DAB1: variants seen among roughly 807,000 people sequenced by gnomAD.
The protein encoded by DAB1 is DAB adaptor protein 1.
Under a neutral mutation model 64.6 loss-of-function variants are expected in DAB1, and 15 were observed. The ratio of observed to expected loss-of-function variants is 0.23; its 90% CI spans 0.16 to 0.36. DAB1 has a LOEUF of 0.36. Ranked by LOEUF, DAB1 falls within the 10% of genes least tolerant of loss-of-function variation. The pLI, the probability that DAB1 is intolerant of heterozygous loss-of-function variation, is 1.00. For missense variants in DAB1, 596 were observed against 706.7 expected, an observed-to-expected ratio of 0.84 and a Z score of 1.78; for synonymous variants, 235 against 251.9, an observed-to-expected ratio of 0.93 and a Z score of 0.64.
intron 5 of DAB1, among the ~76,000 whole-genome samples, chr1:58,001,624 G>C (rs1047837452): frequency 1.1e-4 from 16 of 152,196 alleles, no homozygotes; most frequent in Admixed American, 5.9e-4. Context: ...GTAAGCTTTA[G>C]GAAAGGTCTC....
At chr1:57,606,714 A>G (rs1029708155) in intron 7 of DAB1, among the ~76,000 whole-genome samples, 22 of 134,436 alleles carry the variant, frequency 1.6e-4, no homozygotes, top group Non-Finnish European at 2.8e-4. Context: ...ATATATATGT[A>G]TGAAATATAT....
chr1:57,139,239 G>A (rs951191189), intron 3 of DAB1, among the ~76,000 whole-genome samples: 16 of 152,110 alleles, frequency 1.1e-4, no homozygotes, highest in Admixed American at 7.2e-4. Flanking sequence ...GGGGATTAGC[G>A]TTCTTATAAA....
chr1:57,386,747 TGTG>T (rs1681900582), intron 1 of DAB1: 1 of 149,166 alleles, frequency 6.7e-6, no homozygotes, highest in Non-Finnish European at 1.5e-5. Context: ...TGCGTGTGTG[TGTG>T]TGTGTGTGTG....
chr1:58,104,929 A>T (rs1352182745), intron 5 of DAB1, among the ~76,000 whole-genome samples: 1 of 152,228 alleles, frequency 6.6e-6, no homozygotes, highest in African/African-American at 2.4e-5. Context: ...TGGACTTTCA[A>T]AAAGGGAATG....
intron 2 of DAB1, among the ~76,000 whole-genome samples, chr1:57,194,284 G>T (rs1664430960): frequency 6.6e-6 from 1 of 152,108 alleles, no homozygotes; most frequent in African/African-American, 2.4e-5. Context: ...CTCAGAGCTG[G>T]CCACGCACCT....
chr1:58,538,787 C>A, intron 1 of DAB1: 1 of 750,186 alleles, frequency 1.3e-6, no homozygotes, highest in South Asian at 1.9e-5. Context: ...TCTAAAAAAG[C>A]ATTTTACCTG....
rs77934665 is a variant in DAB1, at chr1:57,640,993, T to C, written n.625+8599A>G. On this transcript the variant is annotated intron_variant and non_coding_transcript_variant, in intron 7 of 20. Coordinates refer to the DAB1 transcript ENST00000485760. ...TTTGGAAGAATCATCTTGCAGCAAA[T>C]TGGACACTCCCACAATGTTTGGTGT... is the stretch of plus-strand genomic sequence containing the variant. Among the ~76,000 whole-genome samples, 246 of 152,322 alleles carry C rather than the reference T, an allele frequency of 1.6e-3. 2 individuals are homozygous for C. In the East Asian group the frequency reaches 0.018, roughly 11 times the overall value.
chr1:57,391,613 AT>A (rs1490980181), intron 1 of DAB1, among the ~76,000 whole-genome samples: 1 of 152,176 alleles, frequency 6.6e-6, no homozygotes, highest in African/African-American at 2.4e-5. Context: ...ATGCAGATAT[AT>A]TCTGGAAAAC....
At chr1:57,825,129 AT>A (rs150231469), downstream of DAB1, among the ~76,000 whole-genome samples, 70 of 152,294 alleles carry the variant, frequency 4.6e-4, no homozygotes, top group Non-Finnish European at 9.0e-4. Flanking sequence ...GATCTTTACA[AT>A]TTTATGCTAA....
rs186720166 is a variant in DAB1, at chr1:57,194,970, G to A, written c.68-49541C>T. Among the ~76,000 whole-genome samples, 8 of 152,338 alleles carry A rather than the reference G, an allele frequency of 5.3e-5. No individual in the cohort carries two copies. In the East Asian group the frequency reaches 1.5e-3, roughly 29 times the overall value. ...ATGCCCATTTTATATATGCTAACTA[G>A]TAACAGCGGAAAGTGTAATAACTTT... On this transcript the variant is annotated intron_variant, in intron 2 of 14. Coordinates refer to ENST00000371236, the MANE Select transcript of DAB1 (RefSeq NM_001365792.1).
chr1:57,704,311 A>T (rs527951589), intron 6 of DAB1, among the ~76,000 whole-genome samples: 9 of 152,024 alleles, frequency 5.9e-5, no homozygotes, highest in Non-Finnish European at 1.2e-4. Context: ...AGGGCTAGGC[A>T]CTCTCCAGTT....
At chr1:57,610,761 A>G (rs1472634111) in intron 7 of DAB1, among the ~76,000 whole-genome samples, 1 of 152,176 alleles carries the variant, frequency 6.6e-6, no homozygotes, top group Admixed American at 6.5e-5. Context: ...CACTATCATG[A>G]GAAGAGCATG....
chr1:57,484,443 G>C lies in DAB1; in HGVS notation n.625+165149C>G, dbSNP rs946837962. Among the ~76,000 whole-genome samples, 3 of 152,114 alleles carry C rather than the reference G, an allele frequency of 2.0e-5. No homozygotes were observed. In the East Asian group the frequency reaches 5.8e-4, roughly 29 times the overall value. On this transcript the variant is annotated intron_variant and non_coding_transcript_variant, in intron 7 of 20. Transcript: ENST00000485760. Reference sequence around the variant, plus strand: ...TATGAGCTGATGCAACTGAACAAATGGTCCTTTCCAAGCAAGCAAAGGCAT... The same window carrying C: ...TATGAGCTGATGCAACTGAACAAATCGTCCTTTCCAAGCAAGCAAAGGCAT...
chr1:57,566,066 A>G lies in DAB1; in HGVS notation n.625+83526T>C, dbSNP rs370611066. 9.2e-5 allele frequency among the ~76,000 whole-genome samples: 14 copies of G among 152,368 alleles called. No individual in the cohort carries two copies. The South Asian group carries it at 1.7e-3, about 18-fold the overall frequency. ...GCAAATTAAAAGAACAGAAATTGTA[A>G]CAAATTGTCTCTCAGACCACACTGC... On this transcript the variant is annotated intron_variant and non_coding_transcript_variant, in intron 7 of 20. Coordinates refer to the DAB1 transcript ENST00000485760.
At chr1:58,317,613 CGAAG>C (rs1662587876) in intron 4 of DAB1, among the ~76,000 whole-genome samples, 1 of 152,162 alleles carries the variant, frequency 6.6e-6, no homozygotes, top group African/African-American at 2.4e-5. Flanking sequence ...AGATGCAACC[CGAAG>C]GAACTGGATT....
At chr1:57,273,553 G>GCCTTCCTTCCTTCCTT in intron 2 of DAB1, among the ~76,000 whole-genome samples, 1 of 62,088 alleles carries the variant, frequency 1.6e-5, no homozygotes, top group East Asian at 3.9e-4. Flanking sequence ...CTGCCTGCCT[G>GCCTTCCTTCCTTCCTT]CCTTCCTTCC....
At chr1:57,820,750 C>T (rs1356789351) in intron 6 of DAB1, among the ~76,000 whole-genome samples, 1 of 152,106 alleles carries the variant, frequency 6.6e-6, no homozygotes, top group Non-Finnish European at 1.5e-5. Context: ...TTTTGTTTCA[C>T]AAGGAATTAC....
At chr1:57,717,223 C>A (rs543478391) in intron 6 of DAB1, among the ~76,000 whole-genome samples, 2 of 149,168 alleles carry the variant, frequency 1.3e-5, no homozygotes, top group Non-Finnish European at 1.5e-5. Context: ...GGCGACAGAG[C>A]GAGACTGTCT....
intron 1 of DAB1, among the ~76,000 whole-genome samples, chr1:57,347,867 A>G (rs377421054): frequency 4.9e-4 from 75 of 152,312 alleles, no homozygotes; most frequent in African/African-American, 1.8e-3. Context: ...CACAGTAGGC[A>G]AGAGATGTCA....
Sources: allele counts gnomAD v4.1 joint callset (sites outside exome capture counted in the v4.1 genomes callset), GRCh38; gene constraint gnomAD v4.1.1; transcripts MANE v1.5; gene names NCBI Gene and HGNC (gene_info 2026-07-23, HGNC 2026-07-21).